Variants in NDE1 observed in about 807,000 individuals in gnomAD.
NDE1 encodes nudE neurodevelopment protein 1.
In NDE1, 28 loss-of-function variants were observed where a neutral mutation model predicts 43.4. That is an observed-to-expected ratio of 0.65 (90% CI 0.48 to 0.89). The LOEUF is 0.89. Ranked by LOEUF, NDE1 falls within the 40% of genes least tolerant of loss-of-function variation. NDE1 has a pLI of 0.00. For synonymous variants in NDE1, 184 were observed against 172.0 expected (o/e 1.07, Z -0.55); for missense variants, 441 against 434.1 (o/e 1.02, Z -0.14).
At chr16:15,701,007 G>A (rs1190811593) in intron 8 of NDE1, among the ~76,000 whole-genome samples, 5 of 152,034 alleles carry the variant, frequency 3.3e-5, no homozygotes, top group Non-Finnish European at 5.9e-5. Context: ...AGGCCGAGGC[G>A]GGTGGATTAC....
chr16:15,685,419 T>C (rs1312869742), intron 4 of NDE1, among the ~76,000 whole-genome samples: 2 of 151,994 alleles, frequency 1.3e-5, no homozygotes, highest in Non-Finnish European at 2.9e-5. Flanking sequence ...CACGGCTAAT[T>C]TTTTTACTTT....
At position 15,699,480 on chromosome 16, in the gene NDE1, A is replaced by AAAAC. The variant is rs142486033; in HGVS notation, c.947+2631_947+2634dup. On this transcript the variant is annotated intron_variant, in intron 8 of 8. Transcript: ENST00000396354. ...GGTCTCACTATGTTGCGTAGGCTGT[A>AAAAC]AAACAAACAAACAATAGGTAAGAGA... 1.0e-5 allele frequency: 11 copies of AAAAC among 1,082,220 alleles called. No homozygotes were observed. The African/African-American group carries it at 1.2e-4, about 12-fold the overall frequency. 67.0% of individuals were successfully genotyped at this position (1,082,220 alleles called of 1,614,324 possible).
intron 8 of NDE1, chr16:15,715,127 G>A (rs1474448673): frequency 1.9e-6 from 3 of 1,612,388 alleles, no homozygotes; most frequent in Non-Finnish European, 1.7e-6. Flanking sequence ...CCGGCTGGGG[G>A]CTGGGGGCTC....
chr16:15,713,094 A>G (rs903303523), intron 8 of NDE1: 4 of 151,878 alleles, frequency 2.6e-5, no homozygotes, highest in African/African-American at 7.3e-5. Flanking sequence ...CAAGGTAGAC[A>G]TGGGGCTAAG....
chr16:15,660,710 G>A (rs905538262), intron 1 of NDE1, among the ~76,000 whole-genome samples: 2 of 152,014 alleles, frequency 1.3e-5, no homozygotes, highest in South Asian at 2.1e-4. Flanking sequence ...GCCAGTGACC[G>A]ACTTTCGCTC....
intron 3 of NDE1, among the ~76,000 whole-genome samples, chr16:15,674,805 A>G (rs1006629208): frequency 6.6e-6 from 1 of 151,768 alleles, no homozygotes; most frequent in Non-Finnish European, 1.5e-5. Context: ...TCAACCTCCC[A>G]GGCTCAAATG....
intron 8 of NDE1, among the ~76,000 whole-genome samples, chr16:15,706,568 G>A (rs1037786156): frequency 2.6e-5 from 4 of 152,096 alleles, no homozygotes; most frequent in South Asian, 2.1e-4. Flanking sequence ...TTAGCCGTGC[G>A]TGGTGGCAGG....
chr16:15,703,717 T>C (rs1347206586), intron 8 of NDE1: 1 of 474,202 alleles, frequency 2.1e-6, no homozygotes, highest in African/African-American at 1.9e-5. Flanking sequence ...GCCTCCCTAG[T>C]AGCTGGGACC....
At chr16:15,704,924 C>G (rs978484100) in intron 8 of NDE1, among the ~76,000 whole-genome samples, 4 of 152,176 alleles carry the variant, frequency 2.6e-5, no homozygotes, top group African/African-American at 9.7e-5. Context: ...AGCAGTTCTC[C>G]TACCTTGGCC....
intron 8 of NDE1, chr16:15,719,355 C>G (rs1426281354): frequency 6.3e-7 from 1 of 1,585,174 alleles, no homozygotes; most frequent in Non-Finnish European, 8.6e-7. Context: ...AAAGGCCAAG[C>G]CCCACCAAGA....
intron 8 of NDE1, chr16:15,702,029 T>G (rs2039237638): frequency 6.6e-6 from 1 of 152,186 alleles, no homozygotes; most frequent in African/African-American, 2.4e-5. Flanking sequence ...GAAAAAATCT[T>G]TTTGAAAATT....
chr16:15,682,139 G>A (rs1030430987), intron 4 of NDE1, among the ~76,000 whole-genome samples: 3 of 152,134 alleles, frequency 2.0e-5, no homozygotes, highest in Non-Finnish European at 4.4e-5. Flanking sequence ...ATCGGATGAG[G>A]TAGAAGCCCA....
At chr16:15,699,400 C>A (rs2039147014) in intron 8 of NDE1, among the ~76,000 whole-genome samples, 1 of 152,000 alleles carries the variant, frequency 6.6e-6, no homozygotes, top group African/African-American at 2.4e-5. Flanking sequence ...GCTGGGACTA[C>A]ACATGCAGGC....
chr16:15,717,085 T>A, intron 8 of NDE1: 1 of 1,578,256 alleles, frequency 6.3e-7, no homozygotes, highest in South Asian at 1.1e-5. Flanking sequence ...TCACTATGAC[T>A]CCTGCTGTCC....
chr16:15,703,907 G>A (rs1330273573), intron 8 of NDE1: 1 of 1,586,838 alleles, frequency 6.3e-7, no homozygotes. Context: ...GTTTTGCTTT[G>A]TTCTGGGTTG....
At chr16:15,711,820 G>A (rs1036692896) in intron 8 of NDE1, among the ~76,000 whole-genome samples, 1 of 152,092 alleles carries the variant, frequency 6.6e-6, no homozygotes, top group Admixed American at 6.6e-5. Flanking sequence ...AGCCTCCCTA[G>A]TAGCTGGGAT....
At chr16:15,704,615 A>G (rs928193828) in intron 8 of NDE1, among the ~76,000 whole-genome samples, 2 of 152,164 alleles carry the variant, frequency 1.3e-5, no homozygotes, top group Non-Finnish European at 2.9e-5. Flanking sequence ...CAAGATTTGA[A>G]TTGGAAGAAG....
chr16:15,683,001 A>G (rs902502237), intron 4 of NDE1, among the ~76,000 whole-genome samples: 1 of 151,214 alleles, frequency 6.6e-6, no homozygotes, highest in African/African-American at 2.4e-5. Context: ...TCTCACACCC[A>G]GTCCAACTTA....
At chr16:15,704,177 T>C (rs1401339518) in intron 8 of NDE1, 4 of 1,605,324 alleles carry the variant, frequency 2.5e-6, no homozygotes, top group East Asian at 2.2e-5. Flanking sequence ...ATGGTTGGGA[T>C]AGATTTTTTA....
Sources: allele counts gnomAD v4.1 joint callset (sites outside exome capture counted in the v4.1 genomes callset), GRCh38; gene constraint gnomAD v4.1.1; transcripts MANE v1.5; gene names NCBI Gene and HGNC (gene_info 2026-07-23, HGNC 2026-07-21).